The following CCDC7 variants were observed in gnomAD, a reference collection of about 807,000 sequenced individuals.
CCDC7 encodes coiled-coil domain-containing protein 7.
CCDC7 carries 183 observed loss-of-function variants against 196.9 expected under a neutral mutation model. The observed-to-expected ratio is 0.93, with a 90% CI of 0.82 to 1.05. The LOEUF (loss-of-function observed/expected upper bound fraction) is 1.05. Ranked by LOEUF, CCDC7 falls within the 50% of genes least tolerant of loss-of-function variation. The pLI is 0.00. For missense variants in CCDC7, 1,540 were observed against 1,482.2 expected (o/e 1.04, Z -0.64); for synonymous variants, 525 against 484.6 (o/e 1.08, Z -1.10).
intron 28 of CCDC7, among the ~76,000 whole-genome samples, chr10:32,755,178 C>T (rs950482326): frequency 1.3e-5 from 2 of 152,192 alleles, no homozygotes; most frequent in African/African-American, 2.4e-5. Context: ...TCTGTAGACT[C>T]CACCTCTGGG....
intron 29 of CCDC7, among the ~76,000 whole-genome samples, chr10:32,785,839 T>G (rs2081774284): frequency 6.6e-6 from 1 of 152,206 alleles, no homozygotes; most frequent in Non-Finnish European, 1.5e-5. Context: ...TCCCCAAGTT[T>G]TTGTTCATTC....
chr10:32,657,908 G>A (rs891534242), intron 20 of CCDC7, among the ~76,000 whole-genome samples: 5 of 152,126 alleles, frequency 3.3e-5, no homozygotes, highest in Non-Finnish European at 7.4e-5. Flanking sequence ...TCTCTCTCAA[G>A]TTCAAAATTC....
intron 29 of CCDC7, among the ~76,000 whole-genome samples, chr10:32,794,666 C>G (rs1037560767): frequency 6.6e-6 from 1 of 152,040 alleles, no homozygotes; most frequent in Non-Finnish European, 1.5e-5. Flanking sequence ...TTGTATCTCT[C>G]TAATATTAGT....
chr10:32,677,859 A>G (rs1490300415), intron 21 of CCDC7, among the ~76,000 whole-genome samples: 4 of 152,122 alleles, frequency 2.6e-5, no homozygotes, highest in Non-Finnish European at 5.9e-5. Flanking sequence ...ACATGATGGT[A>G]TCCCATACAT....
rs144393883 is a variant in CCDC7, at chr10:32,850,482, T to C, written c.3896-1325T>C. On this transcript the variant is annotated intron_variant, in intron 39 of 41. Transcript: ENST00000639629. ...ACTTTTGTCATATTCACCAAAGTCA[T>C]ATAACTAAGACCAGAGTTAGTATGG... 8.8e-3 allele frequency among the ~76,000 whole-genome samples: 1,340 copies of C among 152,310 alleles called. 15 individuals carry two copies. Among genetic ancestry groups the C allele is most frequent in the African/African-American group, 0.029 (1,219 of 41,564 alleles).
At chr10:32,789,447 G>T (rs1296096643) in intron 29 of CCDC7, among the ~76,000 whole-genome samples, 1 of 151,238 alleles carries the variant, frequency 6.6e-6, no homozygotes, top group East Asian at 2.0e-4. Flanking sequence ...GATTGAACTG[G>T]AAAATTCCAT....
intron 22 of CCDC7, 77 bp from the exon 24 acceptor site, chr10:32,688,976 A>T: frequency 2.2e-6 from 2 of 921,268 alleles, no homozygotes; most frequent in South Asian, 1.5e-5. Flanking sequence ...GCCACTGCAC[A>T]TTCGTAAATT....
chr10:32,858,109 A>G (rs775992950), intron 41 of CCDC7, among the ~76,000 whole-genome samples: 3 of 152,196 alleles, frequency 2.0e-5, no homozygotes, highest in Admixed American at 6.5e-5. Context: ...AACCAATACC[A>G]AATAAAAAGG....
At chr10:32,781,605 AC>A (rs2081072878) in intron 29 of CCDC7, among the ~76,000 whole-genome samples, 1 of 152,186 alleles carries the variant, frequency 6.6e-6, no homozygotes, top group Non-Finnish European at 1.5e-5. Flanking sequence ...CAAATTCAAT[AC>A]CCTTTCACGT....
intron 16 of CCDC7, among the ~76,000 whole-genome samples, chr10:32,576,576 G>A (rs1208892496): frequency 6.8e-6 from 1 of 147,698 alleles, no homozygotes; most frequent in Non-Finnish European, 1.5e-5. Context: ...TTTGAGATAG[G>A]GTATCACTTT....
intron 18 of CCDC7, among the ~76,000 whole-genome samples, chr10:32,631,060 T>C (rs1039686595): frequency 5.3e-5 from 8 of 152,220 alleles, no homozygotes; most frequent in Non-Finnish European, 8.8e-5. Flanking sequence ...AGGCCATATG[T>C]AGGTTCTCTG....
At position 32,583,115 on chromosome 10, in the gene CCDC7, G is replaced by C. The variant is rs774767356; in HGVS notation, c.1536G>C (p.Glu512Asp). ...CTCAAGATGAATCAGCATTTTTAGA[G>C]AGTTCAAATGAAGTTTCAGTTGCTG... The change falls in exon 17 of 42, where the codon GAG (glutamate) becomes GAC (aspartate). Residue 512 changes from glutamate (E) to aspartate (D), a missense_variant. Glu to Asp is a conservative substitution (Grantham distance 45). Transcript: ENST00000639629. 4.7e-4 allele frequency: 581 copies of C among 1,231,278 alleles called. 2 individuals are homozygous for C. Among genetic ancestry groups the C allele is most frequent in the Non-Finnish European group, 5.5e-4 (539 of 987,440 alleles). The allele number at this position is 1,231,278 out of a possible 1,614,324, so 76.3% of individuals were successfully genotyped here.
In CCDC7 at chr10:32,736,086, G is replaced by T. The variant is rs75148818; in HGVS notation, c.2905+6629G>T. 4.5e-3 allele frequency among the ~76,000 whole-genome samples: 679 copies of T among 152,146 alleles called. 9 individuals carry two copies. The highest frequency in any genetic ancestry group is 0.043 in the East Asian group (223 of 5,178). On this transcript the variant is annotated intron_variant, in intron 28 of 41. Transcript: ENST00000639629. ...AGGGCTACAGGAATTTTTAAAGTTG[G>T]GTAGTGTCAATCCTTTGATTTTGTT... is the stretch of plus-strand genomic sequence containing the variant.
chr10:32,860,737 T>G (rs1163900031), intron 41 of CCDC7, among the ~76,000 whole-genome samples: 4 of 152,054 alleles, frequency 2.6e-5, no homozygotes, highest in African/African-American at 9.7e-5. Context: ...AAAAGCAATG[T>G]GCAAAAATCA....
At chr10:32,487,648 T>A (rs1178792166) in intron 8 of CCDC7, among the ~76,000 whole-genome samples, 2 of 152,222 alleles carry the variant, frequency 1.3e-5, no homozygotes, top group African/African-American at 4.8e-5. Context: ...GATGGTGACT[T>A]ACAGATGGGG....
intron 33 of CCDC7, among the ~76,000 whole-genome samples, chr10:32,837,482 G>A (rs1451959478): frequency 3.9e-5 from 6 of 152,162 alleles, no homozygotes; most frequent in African/African-American, 9.7e-5. Context: ...TGGTGGGACC[G>A]TAAACTAGTT....
intron 32 of CCDC7, among the ~76,000 whole-genome samples, chr10:32,829,555 T>C (rs2091875887): frequency 6.6e-6 from 1 of 152,186 alleles, no homozygotes; most frequent in African/African-American, 2.4e-5. Flanking sequence ...TAGGTAACAG[T>C]ATTTGGGTTG....
Position 32,746,984 on chromosome 10 carries a change from T to C in CCDC7, c.2905+17527T>C, listed in dbSNP as rs953242373. Among the ~76,000 whole-genome samples, 20 of 152,182 alleles carry C rather than the reference T, an allele frequency of 1.3e-4. 1 individual carries two copies. The highest frequency in any genetic ancestry group is 2.9e-5 in the Non-Finnish European group (2 of 68,034). On this transcript the variant is annotated intron_variant, in intron 28 of 41. Coordinates refer to ENST00000639629, the Ensembl canonical transcript of CCDC7. ...GTGCAGAATCCACAGTGCTGCTGCC[T>C]AGTCACCACTGGCACATGCGGGGAC...
In CCDC7 at chr10:32,685,963, T is replaced by C. The variant is rs750418525; in HGVS notation, c.2123-7T>C. On this transcript the variant is annotated splice_region_variant and splice_polypyrimidine_tract_variant and intron_variant, in intron 21 of 41. Coordinates refer to ENST00000639629, the Ensembl canonical transcript of CCDC7. ...TTTAGTGGAATAAATGTATTTTCTT[T>C]ATGTAGCTCATAATGAAGTACCAAA... is the stretch of plus-strand genomic sequence containing the variant. 17 of 1,419,844 alleles carry C rather than the reference T, an allele frequency of 1.2e-5. No homozygotes were observed. The highest frequency in any genetic ancestry group is 1.6e-5 in the Non-Finnish European group (17 of 1,038,876). The allele number at this position is 1,419,844 out of a possible 1,614,324, so 88.0% of individuals were successfully genotyped here.
Sources: gnomAD v4.1 joint callset for allele counts (sites outside exome capture counted in the v4.1 genomes callset) on GRCh38, gnomAD v4.1.1 for gene constraint, MANE v1.5 for transcripts, NCBI Gene and HGNC (gene_info 2026-07-23, HGNC 2026-07-21) for gene names.